Variants in CCDC138 observed in about 807,000 individuals in gnomAD.
CCDC138 encodes coiled-coil domain-containing protein 138.
In CCDC138, 66 loss-of-function variants were observed where a neutral mutation model predicts 82.3. That is an observed-to-expected ratio of 0.80 (90% CI 0.66 to 0.98). The LOEUF (loss-of-function observed/expected upper bound fraction) is 0.98, where lower values mean the gene tolerates loss of function less well. CCDC138 is among the 50% of genes least tolerant of loss of function. The pLI, the probability that CCDC138 is intolerant of heterozygous loss-of-function variation, is 0.00. For synonymous variants in CCDC138, 297 were observed against 265.4 expected, an observed-to-expected ratio of 1.12 and a Z score of -1.16; for missense variants, 816 against 758.9, an observed-to-expected ratio of 1.08 and a Z score of -0.88.
chr2:108,791,257 A>G (rs571033293), intron 3 of CCDC138, among the ~76,000 whole-genome samples: 1 of 152,270 alleles, frequency 6.6e-6, no homozygotes, highest in East Asian at 1.9e-4. Flanking sequence ...TTTGGAGACA[A>G]CACCTGGAAT....
chr2:108,880,199 A>C (rs1424721967), downstream of CCDC138, among the ~76,000 whole-genome samples: 6 of 122,568 alleles, frequency 4.9e-5, no homozygotes, highest in Middle Eastern at 3.8e-3. Flanking sequence ...CTTAAAAAAA[A>C]AAAACAACAA....
At chr2:108,860,443 C>T (rs939965368) in intron 13 of CCDC138, among the ~76,000 whole-genome samples, 4 of 151,518 alleles carry the variant, frequency 2.6e-5, no homozygotes, top group African/African-American at 9.7e-5. Flanking sequence ...AACTTTTCCC[C>T]ATTAAATATG....
chr2:108,835,735 A>G (rs771970730), intron 10 of CCDC138, among the ~76,000 whole-genome samples: 4 of 152,232 alleles, frequency 2.6e-5, no homozygotes, highest in Non-Finnish European at 5.9e-5. Context: ...ACAGCTCTCC[A>G]GAAATATTTT....
At chr2:108,807,022 G>A (rs184513800) in intron 7 of CCDC138, among the ~76,000 whole-genome samples, 20 of 152,210 alleles carry the variant, frequency 1.3e-4, no homozygotes, top group Admixed American at 9.2e-4. Flanking sequence ...TCAGATTAAG[G>A]TGCTTACTCC....
chr2:108,791,797 A>G lies in CCDC138; in HGVS notation c.389A>G (p.Glu130Gly). ...ACCAAGCAGTCTTTTAAAGAAATAG[A>G]AAAAGGTAAAATAAATATTTTAGAA... ...KITKQSFKEI[E>G]KVALPTNTTS... Residue 130 changes from glutamate to glycine, a missense_variant, in exon 4 of 15, where the codon GAA becomes GGA. Physicochemically the swap from Glu to Gly is moderately conservative, Grantham distance 98 (BLOSUM62 -2). Coordinates refer to ENST00000295124, the MANE Select transcript of CCDC138 (RefSeq NM_144978.3). 6.3e-7 allele frequency: 1 copy of G among 1,579,482 alleles called. No individual in the cohort carries two copies. Among genetic ancestry groups the G allele is most frequent in the Non-Finnish European group, 8.6e-7 (1 of 1,161,154 alleles).
chr2:108,845,136 A>G (rs939211447), intron 11 of CCDC138, among the ~76,000 whole-genome samples: 21 of 152,308 alleles, frequency 1.4e-4, no homozygotes, highest in Admixed American at 3.9e-4. Flanking sequence ...GTTTACCTTA[A>G]TCCTGTCATT....
intron 7 of CCDC138, among the ~76,000 whole-genome samples, chr2:108,805,247 A>G (rs996282888): frequency 6.5e-4 from 99 of 152,252 alleles, no homozygotes; most frequent in African/African-American, 2.3e-3. Context: ...TGATAACCTG[A>G]GAACTGATTA....
At chr2:108,833,894 ATTTTTTTTTTTT>A (rs749488565) in intron 10 of CCDC138, among the ~76,000 whole-genome samples, 2 of 79,242 alleles carry the variant, frequency 2.5e-5, no homozygotes, top group African/African-American at 5.0e-5. Context: ...CGCCCGGCTA[ATTTTTTTTTTTT>A]TTTTTTTTTT....
chr2:108,795,549 C>T (rs1008207104), intron 5 of CCDC138, among the ~76,000 whole-genome samples: 2 of 152,192 alleles, frequency 1.3e-5, no homozygotes, highest in South Asian at 2.1e-4. Flanking sequence ...AAATTCTTCC[C>T]GTTGGAAACA....
chr2:108,798,740 C>CACAG (rs1448819332), intron 6 of CCDC138, among the ~76,000 whole-genome samples, 154 bp downstream of exon 6: 1 of 124,148 alleles, frequency 8.1e-6, no homozygotes, highest in African/African-American at 2.9e-5. Context: ...CACACACACA[C>CACAG]TTTTTCTGAT....
In CCDC138 at chr2:108,791,764, C is replaced by A; in HGVS notation, c.356C>A (p.Ser119Ter). 2 of 1,597,758 alleles carry A rather than the reference C, an allele frequency of 1.3e-6. No individual in the cohort carries two copies. The highest frequency in any genetic ancestry group is 2.3e-5 in the South Asian group (2 of 88,476). ...GAAAATGATTATAGAGTTAGTACCT[C>A]GAAAATAACCAAGCAGTCTTTTAAA... ...LIENDYRVSTSKITKQSFKEI... is the reference protein window; with the variant it reads ...LIENDYRVST The change falls in exon 4 of 15, where the codon TCG becomes TAG. Residue 119 changes from serine to a stop codon, truncating the protein, a stop_gained. Transcript: ENST00000295124. LOFTEE classifies it high-confidence loss of function.
chr2:108,788,870 C>G lies in CCDC138; in HGVS notation c.170C>G (p.Ser57Cys), dbSNP rs1039714959. The G allele has an allele frequency of 9.3e-6, 15 of 1,613,676 alleles. No individual in the cohort carries two copies. The highest frequency in any genetic ancestry group is 1.6e-4 in the Middle Eastern group (1 of 6,082). ...TTGACAGGTGATTTGGATATCTACTCTGGAGATAAAGTTGGTTCATCGTTA... is the reference window on the plus strand; with the variant it reads ...TTGACAGGTGATTTGGATATCTACTGTGGAGATAAAGTTGGTTCATCGTTA... ...LTSPGDLDIYSGDKVGSSLKY... is the reference protein window; with the variant it reads ...LTSPGDLDIYCGDKVGSSLKY... The change falls in exon 3 of 15, where the codon TCT becomes TGT. Residue 57 changes from serine to cysteine, a missense_variant. Ser to Cys is a moderately radical substitution (Grantham distance 112, BLOSUM62 -1). Coordinates refer to ENST00000295124, the MANE Select transcript of CCDC138 (RefSeq NM_144978.3).
chr2:108,789,515 A>G (rs1204401844), intron 3 of CCDC138, among the ~76,000 whole-genome samples: 2 of 152,096 alleles, frequency 1.3e-5, no homozygotes, highest in Non-Finnish European at 2.9e-5. Flanking sequence ...AATCACTTGA[A>G]CCCGGGAGGT....
At chr2:108,867,869 G>T (rs1053509595) in intron 13 of CCDC138, among the ~76,000 whole-genome samples, 7 of 152,146 alleles carry the variant, frequency 4.6e-5, no homozygotes, top group African/African-American at 1.7e-4. Flanking sequence ...ATACATTTTT[G>T]TCCCGTGTAA....
intron 10 of CCDC138, among the ~76,000 whole-genome samples, chr2:108,826,459 A>G (rs1046848175): frequency 6.6e-6 from 1 of 152,012 alleles, no homozygotes; most frequent in African/African-American, 2.4e-5. Flanking sequence ...GTGTAACCTC[A>G]TTTTTTACCT....
chr2:108,857,326 C>T (rs1574257770), intron 13 of CCDC138, among the ~76,000 whole-genome samples: 1 of 152,024 alleles, frequency 6.6e-6, no homozygotes, highest in African/African-American at 2.4e-5. Flanking sequence ...GCCTCGGCCT[C>T]CCAAAGCACT....
intron 10 of CCDC138, among the ~76,000 whole-genome samples, chr2:108,835,523 C>T (rs892472521): frequency 6.6e-6 from 1 of 152,192 alleles, no homozygotes; most frequent in African/African-American, 2.4e-5. Context: ...AAATATTTTT[C>T]ACAAAGTATT....
chr2:108,787,017 C>A, intron 1 of CCDC138, 102 bp downstream of exon 1: 1 of 665,244 alleles, frequency 1.5e-6, no homozygotes, highest in South Asian at 6.1e-5. Flanking sequence ...CGGCTCTGGT[C>A]CCGGCCCCGG....
chr2:108,794,586 T>G lies in CCDC138; in HGVS notation c.441T>G (p.Cys147Trp). ...CCTCATCGAGACCTCGGACTGAGTG[T>G]TGTAGTGATGCAGGTGACTCTCCTT... ...NTTSSRPRTE[C>W]CSDAGDSPLK... The change falls in exon 5 of 15, where the codon TGT (cysteine) becomes TGG (tryptophan). Residue 147 changes from cysteine (C) to tryptophan (W), a missense_variant. Physicochemically the swap from Cys to Trp is radical, Grantham distance 215 (BLOSUM62 -2). Coordinates refer to ENST00000295124, the MANE Select transcript of CCDC138 (RefSeq NM_144978.3). The G allele has an allele frequency of 6.2e-7, 1 of 1,614,058 alleles. No individual in the cohort carries two copies. Among genetic ancestry groups the G allele is most frequent in the South Asian group, 1.1e-5 (1 of 91,060 alleles).
Sources: allele counts gnomAD v4.1 joint callset (sites outside exome capture counted in the v4.1 genomes callset), GRCh38; gene constraint gnomAD v4.1.1; transcripts MANE v1.5; gene names NCBI Gene and HGNC (gene_info 2026-07-23, HGNC 2026-07-21).